Variants in FBXL13 observed in about 807,000 individuals in gnomAD.
FBXL13 encodes F-box and leucine rich repeat protein 13.
Under a neutral mutation model 83.6 loss-of-function variants are expected in FBXL13, and 67 were observed. The ratio of observed to expected loss-of-function variants is 0.80; its 90% CI spans 0.66 to 0.98. The LOEUF is 0.98. Ranked by LOEUF, FBXL13 falls within the 50% of genes least tolerant of loss-of-function variation. The pLI is 0.00. For synonymous variants in FBXL13, 272 were observed against 299.5 expected (o/e 0.91, Z 0.95); for missense variants, 822 against 866.5 (o/e 0.95, Z 0.64).
intron 11 of FBXL13, among the ~76,000 whole-genome samples, chr7:102,905,267 T>G (rs932698163): frequency 7.9e-5 from 12 of 152,180 alleles, no homozygotes; most frequent in African/African-American, 2.9e-4. Flanking sequence ...ACTAATAATA[T>G]TTGCTTTACA....
chr7:102,919,149 AC>A (rs1412695230), intron 10 of FBXL13, among the ~76,000 whole-genome samples: 1 of 152,210 alleles, frequency 6.6e-6, no homozygotes, highest in Non-Finnish European at 1.5e-5. Flanking sequence ...AAAATCGGCC[AC>A]AGTGGAATTA....
chr7:102,985,290 A>G (rs893004514), intron 6 of FBXL13, among the ~76,000 whole-genome samples: 2 of 152,224 alleles, frequency 1.3e-5, no homozygotes, highest in African/African-American at 4.8e-5. Context: ...ATGTCCTAGC[A>G]CATCCAGCTA....
At chr7:102,942,137 C>T (rs1821578587) in intron 8 of FBXL13, among the ~76,000 whole-genome samples, 1 of 152,126 alleles carries the variant, frequency 6.6e-6, no homozygotes, top group South Asian at 2.1e-4. Flanking sequence ...ATCTCAGGAA[C>T]GTATTTCCTA....
At chr7:102,966,175 T>C (rs970762074) in intron 7 of FBXL13, among the ~76,000 whole-genome samples, 1 of 152,220 alleles carries the variant, frequency 6.6e-6, no homozygotes, top group Non-Finnish European at 1.5e-5. Flanking sequence ...AAATTAGGTG[T>C]TCCTGTCTTA....
intron 6 of FBXL13, chr7:102,988,811 TCTGA>T (rs1275095189): frequency 3.3e-5 from 5 of 152,342 alleles, no homozygotes; most frequent in Middle Eastern, 3.4e-3. Context: ...CTGATTCTGA[TCTGA>T]CTGTGTTAAG....
chr7:102,822,887 T>C (rs1368050954), intron 18 of FBXL13, among the ~76,000 whole-genome samples: 5 of 152,084 alleles, frequency 3.3e-5, no homozygotes, highest in Non-Finnish European at 7.4e-5. Flanking sequence ...CTGGGCCACA[T>C]GGTGAAACTC....
intron 6 of FBXL13, among the ~76,000 whole-genome samples, chr7:102,998,833 T>C (rs548016962): frequency 6.6e-6 from 1 of 151,722 alleles, no homozygotes; most frequent in Admixed American, 6.6e-5. Flanking sequence ...ATAATAATAA[T>C]TAAAATTAAA....
intron 2 of FBXL13, among the ~76,000 whole-genome samples, chr7:103,049,656 T>C (rs561585813): frequency 6.6e-6 from 1 of 152,316 alleles, no homozygotes; most frequent in African/African-American, 2.4e-5. Context: ...GTGCCTCCTG[T>C]TTTTCCCAAG....
At chr7:102,959,369 T>G (rs973982241) in intron 8 of FBXL13, among the ~76,000 whole-genome samples, 1 of 152,122 alleles carries the variant, frequency 6.6e-6, no homozygotes, top group South Asian at 2.1e-4. Flanking sequence ...GTTTGGAGTT[T>G]TTCTTTCTCA....
intron 1 of FBXL13, among the ~76,000 whole-genome samples, chr7:103,064,188 A>G (rs1383494312): frequency 6.6e-6 from 1 of 152,214 alleles, no homozygotes; most frequent in African/African-American, 2.4e-5. Flanking sequence ...GATCTAAATC[A>G]GCTTGGATTA....
intron 5 of FBXL13, among the ~76,000 whole-genome samples, chr7:103,027,205 A>T (rs556792036): frequency 6.6e-6 from 1 of 152,150 alleles, no homozygotes; most frequent in Non-Finnish European, 1.5e-5. Context: ...CTGAGGCAGG[A>T]GAAATGCTTG....
chr7:103,029,289 G>A, intron 3 of FBXL13, 62 bp downstream of exon 4: 1 of 1,037,510 alleles, frequency 9.6e-7, no homozygotes, highest in East Asian at 2.8e-5. Context: ...ATTTTTCTTT[G>A]CACGGAGAAT....
At chr7:102,811,200 A>T (rs1006050205), downstream of FBXL13, among the ~76,000 whole-genome samples, 7 of 152,162 alleles carry the variant, frequency 4.6e-5, no homozygotes, top group South Asian at 4.1e-4. Context: ...CATAAGCATA[A>T]CAGCAGTCAA....
intron 16 of FBXL13, chr7:102,874,373 A>G (rs1295586747): frequency 1.0e-6 from 1 of 985,280 alleles, no homozygotes; most frequent in East Asian, 1.1e-4. Flanking sequence ...TTTGCCTTTT[A>G]GTTCAGAGTT....
At chr7:102,840,721 A>G (rs1298032637) in intron 17 of FBXL13, among the ~76,000 whole-genome samples, 2 of 152,188 alleles carry the variant, frequency 1.3e-5, no homozygotes, top group Non-Finnish European at 2.9e-5. Context: ...GGAGGCTACC[A>G]GTCTAGTGGA....
intron 19 of FBXL13, among the ~76,000 whole-genome samples, chr7:102,818,911 C>G (rs1313971673): frequency 6.6e-6 from 1 of 152,038 alleles, no homozygotes; most frequent in African/African-American, 2.4e-5. Flanking sequence ...GTATTAAGCC[C>G]AGTATCTATT....
At chr7:103,032,169 C>G (rs181136941) in intron 2 of FBXL13, among the ~76,000 whole-genome samples, 1 of 151,980 alleles carries the variant, frequency 6.6e-6, no homozygotes, top group African/African-American at 2.4e-5. Context: ...TGATTACAAC[C>G]CAGTCCTAAA....
intron 6 of FBXL13, among the ~76,000 whole-genome samples, chr7:103,007,210 T>C (rs1791079906): frequency 6.6e-6 from 1 of 151,976 alleles, no homozygotes; most frequent in African/African-American, 2.4e-5. Context: ...CTAAATTTGC[T>C]AAAAATATAA....
rs568193160 is a variant in FBXL13, at chr7:102,993,739, T to A, written c.496-25622A>T. 1.4e-3 allele frequency among the ~76,000 whole-genome samples: 217 copies of A among 152,304 alleles called. 1 individual carries two copies. Among genetic ancestry groups the A allele is most frequent in the African/African-American group, 4.9e-3 (205 of 41,564 alleles). On this transcript the variant is annotated intron_variant, in intron 6 of 19. Transcript: ENST00000313221. Reference sequence around the variant, plus strand: ...TAACTAAGCAGCATTTCCTAACGGGTAAATGATACTAAGAAAAATGGTTGC... The same window carrying A: ...TAACTAAGCAGCATTTCCTAACGGGAAAATGATACTAAGAAAAATGGTTGC...
Sources: allele counts gnomAD v4.1 joint callset (sites outside exome capture counted in the v4.1 genomes callset), GRCh38; gene constraint gnomAD v4.1.1; transcripts MANE v1.5; gene names NCBI Gene and HGNC (gene_info 2026-07-23, HGNC 2026-07-21).